Variants in PBX3 observed in about 807,000 individuals in gnomAD.
The protein encoded by PBX3 is pre-B-cell leukemia transcription factor 3.
In PBX3, 14 loss-of-function variants were observed where a neutral mutation model predicts 48.5. The ratio of observed to expected loss-of-function variants is 0.29; its 90% CI spans 0.19 to 0.45. The LOEUF is 0.45. Ranked by LOEUF, PBX3 falls within the 20% of genes least tolerant of loss-of-function variation. PBX3 has a pLI of 1.00. For synonymous variants in PBX3, 210 were observed against 200.3 expected (o/e 1.05, Z -0.41); for missense variants, 386 against 546.7 (o/e 0.71, Z 2.93).
intron 2 of PBX3, among the ~76,000 whole-genome samples, chr9:125,856,859 A>G (rs536734145): frequency 6.6e-5 from 10 of 152,302 alleles, no homozygotes; most frequent in South Asian, 2.1e-4. Flanking sequence ...TCTTGTTTCA[A>G]TGAATTCTTT....
chr9:125,901,829 T>G (rs1267820961), intron 2 of PBX3, among the ~76,000 whole-genome samples: 2 of 151,746 alleles, frequency 1.3e-5, no homozygotes, highest in Non-Finnish European at 3.0e-5. Context: ...TTATTTTAGT[T>G]GTCTCATCCT....
intron 2 of PBX3, among the ~76,000 whole-genome samples, chr9:125,773,077 A>G (rs970946094): frequency 6.6e-6 from 1 of 152,146 alleles, no homozygotes; most frequent in East Asian, 1.9e-4. Context: ...TACTTTGGCT[A>G]GCTACTGGTG....
intron 4 of PBX3, 136 bp from the exon 5 acceptor site, chr9:125,935,336 A>G (rs1841812485): frequency 4.2e-6 from 3 of 707,992 alleles, no homozygotes; most frequent in South Asian, 2.0e-5. Context: ...ATAACGTATA[A>G]TATCACAGAA....
intron 2 of PBX3, among the ~76,000 whole-genome samples, chr9:125,823,310 G>A (rs1838709524): frequency 1.3e-5 from 2 of 151,610 alleles, no homozygotes; most frequent in South Asian, 4.2e-4. Flanking sequence ...TGAGGAAATT[G>A]TTGTTGATGT....
intron 2 of PBX3, among the ~76,000 whole-genome samples, chr9:125,780,969 G>T: frequency 8.9e-6 from 1 of 112,190 alleles, no homozygotes; most frequent in Non-Finnish European, 1.8e-5. Context: ...GGTTGCGGCC[G>T]GGCAGAGGCG....
intron 4 of PBX3, among the ~76,000 whole-genome samples, chr9:125,933,752 A>G (rs909846396): frequency 1.3e-5 from 2 of 152,070 alleles, no homozygotes; most frequent in African/African-American, 2.4e-5. Context: ...TGGTATCCCA[A>G]TTTTTCATAA....
intron 2 of PBX3, among the ~76,000 whole-genome samples, chr9:125,781,803 C>CT (rs927257843): frequency 2.0e-4 from 30 of 148,774 alleles, no homozygotes; most frequent in African/African-American, 4.9e-4. Flanking sequence ...GATTTGAGAT[C>CT]TTTTTTTTTT....
chr9:125,824,015 G>A (rs954965520), intron 2 of PBX3, among the ~76,000 whole-genome samples: 14 of 151,578 alleles, frequency 9.2e-5, no homozygotes, highest in East Asian at 3.9e-4. Context: ...GTCAGAGGTC[G>A]CAGTGAGCTG....
At chr9:125,788,205 A>C (rs1237225522) in intron 2 of PBX3, among the ~76,000 whole-genome samples, 1 of 152,230 alleles carries the variant, frequency 6.6e-6, no homozygotes, top group African/African-American at 2.4e-5. Context: ...GCAGAATATT[A>C]AGTTAGGAAA....
chr9:125,811,799 T>A (rs946688474), intron 2 of PBX3, among the ~76,000 whole-genome samples: 3 of 152,160 alleles, frequency 2.0e-5, no homozygotes, highest in Non-Finnish European at 2.9e-5. Flanking sequence ...TCTCTTTTTT[T>A]AGACATTTAG....
rs143148719 is a variant in PBX3 at position 125,827,543 on chromosome 9, A to G, written c.274+78920A>G. ...TTTAGTATTGACAAATATAATGTGTATATATACACATATGTAATACCTATG... is the reference window on the plus strand; with the variant it reads ...TTTAGTATTGACAAATATAATGTGTGTATATACACATATGTAATACCTATG... On this transcript the variant is annotated intron_variant, in intron 2 of 8. Transcript: ENST00000373489. Among the ~76,000 whole-genome samples, 469 of 152,292 alleles carry G rather than the reference A, an allele frequency of 3.1e-3. 2 individuals are homozygous for G. Among genetic ancestry groups the G allele is most frequent in the African/African-American group, 9.8e-3 (407 of 41,566 alleles).
chr9:125,945,992 A>G (rs1842056650), intron 5 of PBX3, among the ~76,000 whole-genome samples: 1 of 152,166 alleles, frequency 6.6e-6, no homozygotes, highest in Non-Finnish European at 1.5e-5. Flanking sequence ...AGAGGCTGAG[A>G]ATTTAAGCAG....
At chr9:125,796,470 CTG>C (rs1217845107) in intron 2 of PBX3, among the ~76,000 whole-genome samples, 2 of 152,146 alleles carry the variant, frequency 1.3e-5, no homozygotes, top group Non-Finnish European at 2.9e-5. Context: ...TGGAAATTTT[CTG>C]TGGGGCGGGC....
At chr9:125,844,785 T>C (rs1317584034) in intron 2 of PBX3, 2 of 152,126 alleles carry the variant, frequency 1.3e-5, no homozygotes, top group African/African-American at 4.8e-5. Flanking sequence ...AACCCTTTCC[T>C]GTACCATTGC....
rs1398763914 is a variant in PBX3, at chr9:125,910,259, A to G, written c.275-5427A>G. Among the ~76,000 whole-genome samples the G allele has an allele frequency of 4.6e-5, 7 of 152,278 alleles. No homozygotes were observed. The East Asian group carries it at 1.4e-3, about 29-fold the overall frequency. The stretch of plus-strand genomic sequence containing the variant: ...ATTTTCCAAATAGAAATGGACATAT[A>G]TGATAAAAATGTCAGCCACCCTCTC... On this transcript the variant is annotated intron_variant, in intron 2 of 8. Coordinates refer to ENST00000373489, the MANE Select transcript of PBX3 (RefSeq NM_006195.6).
intron 2 of PBX3, among the ~76,000 whole-genome samples, chr9:125,911,740 A>G (rs1841207859): frequency 6.6e-6 from 1 of 152,078 alleles, no homozygotes. Flanking sequence ...TGGGGCCTAA[A>G]TTTATGGTAT....
intron 7 of PBX3, 49 bp downstream of exon 7, chr9:125,962,263 C>G (rs1461996123): frequency 9.7e-7 from 1 of 1,034,546 alleles, no homozygotes; most frequent in Non-Finnish European, 1.5e-6. Context: ...AGGGTTTGGG[C>G]TCAAAACTCC....
At chr9:125,791,576 G>T (rs1006256084) in intron 2 of PBX3, among the ~76,000 whole-genome samples, 1 of 152,096 alleles carries the variant, frequency 6.6e-6, no homozygotes, top group Non-Finnish European at 1.5e-5. Context: ...TTCCTCCTGT[G>T]CTCTCTCTTC....
chr9:125,849,637 A>G (rs866332318), intron 2 of PBX3, among the ~76,000 whole-genome samples: 6 of 152,018 alleles, frequency 3.9e-5, no homozygotes, highest in Non-Finnish European at 5.9e-5. Context: ...TTTAATTGAC[A>G]TAAGTTTTTC....
Sources: allele counts gnomAD v4.1 joint callset (sites outside exome capture counted in the v4.1 genomes callset), GRCh38; gene constraint gnomAD v4.1.1; transcripts MANE v1.5; gene names NCBI Gene and HGNC (gene_info 2026-07-23, HGNC 2026-07-21).